EYS: variants seen among roughly 807,000 people sequenced by gnomAD.
The protein encoded by EYS is protein eyes shut homolog.
Under a neutral mutation model 282.1 loss-of-function variants are expected in EYS, and 250 were observed. That is an observed-to-expected ratio of 0.89 (90% CI 0.80 to 0.98). EYS has a LOEUF of 0.98. Among genes scored for constraint, EYS ranks in the 50% least tolerant of loss-of-function variants. The probability of loss-of-function intolerance (pLI) is 0.00; values close to 1 mark genes in which losing one functional copy is unlikely to be tolerated. For synonymous variants in EYS, 1,355 were observed against 1,282.9 expected (o/e 1.06, Z -1.20); for missense variants, 4,016 against 3,709.0 (o/e 1.08, Z -2.15).
At chr6:64,139,677 A>C (rs1774275475) in intron 31 of EYS, among the ~76,000 whole-genome samples, 1 of 152,078 alleles carries the variant, frequency 6.6e-6, no homozygotes, top group Non-Finnish European at 1.5e-5. Flanking sequence ...ATAAGTAAAT[A>C]AATAAATGGG....
At chr6:65,469,332 A>G (rs1055830416) in intron 5 of EYS, among the ~76,000 whole-genome samples, 7 of 152,096 alleles carry the variant, frequency 4.6e-5, no homozygotes, top group African/African-American at 9.6e-5. Flanking sequence ...GAAAACGTTT[A>G]AAACAACATT....
intron 13 of EYS, among the ~76,000 whole-genome samples, chr6:65,033,891 T>C (rs1772684785): frequency 6.6e-6 from 1 of 152,168 alleles, no homozygotes; most frequent in Non-Finnish European, 1.5e-5. Context: ...ACCCTGTGCC[T>C]GGAAAAGCTG....
intron 30 of EYS, among the ~76,000 whole-genome samples, chr6:64,267,048 T>G (rs992331637): frequency 6.6e-6 from 1 of 152,172 alleles, no homozygotes; most frequent in Non-Finnish European, 1.5e-5. Flanking sequence ...AAATAATGAT[T>G]TAGAATATAC....
In EYS at chr6:64,271,114, T is replaced by C. The variant is rs538068078; in HGVS notation, c.6191+35856A>G. On this transcript the variant is annotated intron_variant, in intron 30 of 42. Transcript: ENST00000503581. ...TTTTAGCAGTTATGAACAATTACTTTATAAACATTCTTCTGCATATTTCCT... is the reference window on the plus strand; with the variant it reads ...TTTTAGCAGTTATGAACAATTACTTCATAAACATTCTTCTGCATATTTCCT... 2.5e-4 allele frequency among the ~76,000 whole-genome samples: 38 copies of C among 152,332 alleles called. 1 individual carries two copies. The highest frequency in any genetic ancestry group is 6.8e-3 in the Middle Eastern group (2 of 294).
At chr6:64,642,039 AAG>A (rs1158858596) in intron 22 of EYS, among the ~76,000 whole-genome samples, 1 of 152,208 alleles carries the variant, frequency 6.6e-6, no homozygotes, top group African/African-American at 2.4e-5. Context: ...TGTCCACAAA[AAG>A]AACAATGTAG....
chr6:63,870,622 T>C (rs145460799), intron 35 of EYS, among the ~76,000 whole-genome samples: 2 of 152,290 alleles, frequency 1.3e-5, no homozygotes, highest in African/African-American at 4.8e-5. Context: ...GCAAGAAATT[T>C]AGAGGTGTTC....
chr6:63,975,798 A>G (rs1333524179), intron 35 of EYS, among the ~76,000 whole-genome samples: 1 of 152,018 alleles, frequency 6.6e-6, no homozygotes, highest in Admixed American at 6.6e-5. Flanking sequence ...GTAATTCTCT[A>G]GAAGGTGAAC....
chr6:65,232,518 A>C (rs1324063958), intron 12 of EYS, among the ~76,000 whole-genome samples: 2 of 152,090 alleles, frequency 1.3e-5, no homozygotes, highest in African/African-American at 4.8e-5. Flanking sequence ...CTCATGCTTA[A>C]ACGTTTGAGT....
chr6:65,314,564 GTGT>G (rs1769249849), intron 11 of EYS, among the ~76,000 whole-genome samples: 3 of 19,466 alleles, frequency 1.5e-4, no homozygotes, highest in Non-Finnish European at 2.6e-4. Flanking sequence ...CCCTTATGGT[GTGT>G]GTGTGTGTGT....
chr6:64,036,625 A>G (rs1158401784), intron 33 of EYS, among the ~76,000 whole-genome samples: 1 of 152,202 alleles, frequency 6.6e-6, no homozygotes, highest in Non-Finnish European at 1.5e-5. Context: ...CACAGTGGGG[A>G]TAAAGAGAAA....
At chr6:64,967,514 C>T (rs147642451) in intron 14 of EYS, among the ~76,000 whole-genome samples, 3,048 of 152,050 alleles carry the variant, frequency 0.02, 50 homozygotes, top group Middle Eastern at 0.054. Context: ...GATGGGGTTT[C>T]GCCATGTTGG....
At chr6:64,507,187 AT>A (rs539788109) in intron 26 of EYS, among the ~76,000 whole-genome samples, 183 of 151,898 alleles carry the variant, frequency 1.2e-3, no homozygotes, top group African/African-American at 4.3e-3. Flanking sequence ...AATAATATAA[AT>A]TTTTTTTATT....
intron 26 of EYS, among the ~76,000 whole-genome samples, chr6:64,570,858 A>C (rs2349594): frequency 0.56 from 85,275 of 151,672 alleles, 24,060 homozygotes; most frequent in South Asian, 0.65. Flanking sequence ...CCCCAATGGC[A>C]ATATTAGATC....
intron 33 of EYS, among the ~76,000 whole-genome samples, chr6:64,021,089 G>T (rs2149819267): frequency 6.6e-6 from 1 of 151,578 alleles, no homozygotes; most frequent in Admixed American, 6.6e-5. Context: ...TCTTAATTGA[G>T]AAATGGTTCT....
intron 19 of EYS, among the ~76,000 whole-genome samples, chr6:64,874,889 G>A (rs966608394): frequency 6.6e-6 from 1 of 151,976 alleles, no homozygotes; most frequent in Non-Finnish European, 1.5e-5. Context: ...TCCTCAAAGG[G>A]AGCAAAGACT....
chr6:65,236,554 G>A (rs1453460211), intron 12 of EYS, among the ~76,000 whole-genome samples: 1 of 152,060 alleles, frequency 6.6e-6, no homozygotes, highest in Admixed American at 6.6e-5. Context: ...GTTGCAGTGA[G>A]CCGAGATTGC....
intron 41 of EYS, among the ~76,000 whole-genome samples, chr6:63,729,771 T>A (rs1768733890): frequency 6.6e-6 from 1 of 152,168 alleles, no homozygotes; most frequent in Admixed American, 6.6e-5. Flanking sequence ...TCTAGCTTCA[T>A]GTGCCCCTGT....
At chr6:65,602,008 A>G (rs925972191) in intron 2 of EYS, among the ~76,000 whole-genome samples, 8 of 151,972 alleles carry the variant, frequency 5.3e-5, no homozygotes, top group African/African-American at 1.7e-4. Context: ...ACAAAGCATG[A>G]CAAAAACATC....
chr6:65,611,061 A>G (rs569017428), intron 2 of EYS, among the ~76,000 whole-genome samples: 1 of 152,108 alleles, frequency 6.6e-6, no homozygotes, highest in Non-Finnish European at 1.5e-5. Context: ...GGGCACTATT[A>G]GTTTTGGCTT....
Sources: allele counts gnomAD v4.1 joint callset (sites outside exome capture counted in the v4.1 genomes callset), GRCh38; gene constraint gnomAD v4.1.1; transcripts MANE v1.5; gene names NCBI Gene and HGNC (gene_info 2026-07-23, HGNC 2026-07-21).